Variants in SATL1 observed in about 807,000 individuals in gnomAD.
SATL1 encodes the protein spermidine/spermine N1-acetyl transferase like 1.
A neutral mutation model predicts 51.8 loss-of-function variants in SATL1; 47 were observed. The ratio of observed to expected loss-of-function variants is 0.91; its 90% confidence interval spans 0.72 to 1.16. SATL1 has a LOEUF of 1.16. SATL1 is among the 50% of genes most tolerant of loss of function. The pLI, the probability that SATL1 is intolerant of heterozygous loss-of-function variation, is 0.00. For synonymous variants in SATL1, 176 were observed against 182.4 expected (o/e 0.97, Z 0.28); for missense variants, 520 against 526.4 (o/e 0.99, Z 0.12).
rs770690609 is a variant in SATL1, at chrX:85,108,308, GCTGGCT to G, written c.655_660del (p.Ser219_Gln220del). The G allele has an allele frequency of 8.3e-7, 1 of 1,210,671 alleles. No homozygotes were observed. The highest frequency in any genetic ancestry group is 1.8e-5 in the South Asian group (1 of 56,888). On this transcript the variant is annotated inframe_deletion, in exon 3 of 8. Transcript: ENST00000644105. ...CTTATGCCTGGTTGGCTGGGGACTT[GCTGGCT>G]CATGCCTGGTTGACTCATGTCTGGG...
At chrX:85,211,739 A>G (rs1482936815) in intron 2 of SATL1, 1 of 111,498 alleles carries the variant, frequency 9.0e-6, no homozygotes, top group Non-Finnish European at 1.9e-5. Context: ...ATAGATGATG[A>G]TGGTGATGAA....
chrX:85,216,441 C>G (rs940203717), intron 2 of SATL1, among the ~76,000 whole-genome samples: 2 of 111,160 alleles, frequency 1.8e-5, no homozygotes, highest in Non-Finnish European at 3.8e-5. Context: ...ACTGCATTCT[C>G]ATCTGGAGTT....
chrX:85,202,559 T>C (rs1321914336), intron 2 of SATL1, among the ~76,000 whole-genome samples: 1 of 111,884 alleles, frequency 8.9e-6, no homozygotes, highest in African/African-American at 3.3e-5. Flanking sequence ...TCTCAGTGTT[T>C]ATGCTCCTTC....
At chrX:85,147,990 T>G (rs868508874) in intron 2 of SATL1, among the ~76,000 whole-genome samples, 1 of 111,418 alleles carries the variant, frequency 9.0e-6, no homozygotes, top group African/African-American at 3.3e-5. Context: ...CTTTGATGAG[T>G]TGAGAGAAGA....
At chrX:85,191,932 C>A (rs969380968) in intron 2 of SATL1, among the ~76,000 whole-genome samples, 2 of 112,021 alleles carry the variant, frequency 1.8e-5, no homozygotes. Context: ...GTGTAATCCA[C>A]TGAAACCTAA....
At chrX:85,217,821 A>G (rs1928081734) in intron 2 of SATL1, among the ~76,000 whole-genome samples, 1 of 111,539 alleles carries the variant, frequency 9.0e-6, no homozygotes, top group African/African-American at 3.3e-5. Context: ...TCTGACTATA[A>G]TTCCCCAAAC....
chrX:85,134,159 GTA>G (rs745334332), intron 2 of SATL1, among the ~76,000 whole-genome samples: 1,356 of 110,499 alleles, frequency 0.012, 11 homozygotes, highest in Middle Eastern at 0.024. Context: ...ATGTGTGTAT[GTA>G]TATATATGTG....
At chrX:85,103,487 G>C (rs1348657620) in intron 4 of SATL1, among the ~76,000 whole-genome samples, 1 of 111,492 alleles carries the variant, frequency 9.0e-6, no homozygotes, top group East Asian at 2.8e-4. Flanking sequence ...TATTAATCTT[G>C]ATGACTATCA....
intron 2 of SATL1, among the ~76,000 whole-genome samples, chrX:85,142,180 A>C (rs968778427): frequency 6.6e-5 from 7 of 106,834 alleles, no homozygotes; most frequent in Non-Finnish European, 9.7e-5. Context: ...GTGGAACACG[A>C]GGTTAGGAGA....
chrX:85,092,661 G>A lies in SATL1; in HGVS notation c.1918-100C>T. The A allele has an allele frequency of 3.9e-6, 3 of 763,001 alleles. No homozygotes were observed. In the South Asian group the frequency reaches 1.1e-4, roughly 27 times the overall value. The allele number at this position is 763,001 out of a possible 1,213,427, so 62.9% of individuals were successfully genotyped here. On this transcript the variant is annotated intron_variant, in intron 7 of 7. Transcript: ENST00000644105. The stretch of plus-strand genomic sequence containing the variant: ...AGGTCTACTCTATGCAAGACACTAT[G>A]TGTGAATAATACTTCCAAATATAGT...
At position 85,107,802 on chromosome X, in the gene SATL1, T is replaced by C; in HGVS notation, c.1167A>G (p.Ser389=). ...PVMWQLDMRQ[S]GGSQPSMRQV... ...GTCTCATGCTTGGTTGGCTCCCACCTGACTGTCTCATGTCTAGTTGCCACA... is the reference window on the plus strand; with the variant it reads ...GTCTCATGCTTGGTTGGCTCCCACCCGACTGTCTCATGTCTAGTTGCCACA... Residue 389 remains serine, a synonymous_variant, in exon 3 of 8, where the codon TCA becomes TCG. Coordinates refer to ENST00000644105, the MANE Select transcript of SATL1 (RefSeq NM_001367857.2). 8.3e-7 allele frequency: 1 copy of C among 1,211,854 alleles called. No homozygotes were observed. The highest frequency in any genetic ancestry group is 1.8e-5 in the South Asian group (1 of 56,988).
chrX:85,118,352 G>C lies in SATL1; in HGVS notation c.-312-9072C>G, dbSNP rs770780397. 89 of 110,228 alleles carry C rather than the reference G, an allele frequency of 8.1e-4. 1 individual carries two copies. The highest frequency in any genetic ancestry group is 2.8e-3 in the African/African-American group (85 of 30,475). The allele number at this position is 110,228 out of a possible 1,213,427, so 9.1% of individuals were successfully genotyped here. On this transcript the variant is annotated intron_variant, in intron 2 of 7. Transcript: ENST00000644105. Reference sequence around the variant, plus strand: ...AAGTTGCTTACCACACACCAGTCTTGTATTTGCGGTAGTGCATTTGGGGGC... The same window carrying C: ...AAGTTGCTTACCACACACCAGTCTTCTATTTGCGGTAGTGCATTTGGGGGC...
At chrX:85,171,621 C>T (rs763126755) in intron 2 of SATL1, among the ~76,000 whole-genome samples, 6 of 111,335 alleles carry the variant, frequency 5.4e-5, no homozygotes, top group South Asian at 3.8e-4. Context: ...ACTCCTGAAT[C>T]GAGTAGGTCA....
rs768665552 is a variant in SATL1 at position 85,108,144 on chromosome X, G to A, written c.825C>T (p.Asp275=). Residue 275 remains aspartate, a synonymous_variant, in exon 3 of 8, where the codon GAC becomes GAT. Transcript: ENST00000644105. The part of the protein sequence containing the change: ...SPSLLGMNQM[D]MNQWSASLYE... ...ATAGGCTTGCACTCCATTGGTTCAT[G>A]TCCATTTGGTTCATACCAAGTAAGC... The A allele has an allele frequency of 5.8e-6, 7 of 1,211,674 alleles. No homozygotes were observed. Among genetic ancestry groups the A allele is most frequent in the Non-Finnish European group, 7.8e-6 (7 of 895,362 alleles).
At chrX:85,156,508 T>C in intron 2 of SATL1, 1 of 109,889 alleles carries the variant, frequency 9.1e-6, no homozygotes, top group Middle Eastern at 4.2e-3. Context: ...CCTTGGGAGA[T>C]CAAAGAAGTA....
chrX:85,172,831 T>A (rs1226214936), intron 2 of SATL1, among the ~76,000 whole-genome samples: 1 of 111,143 alleles, frequency 9.0e-6, no homozygotes, highest in African/African-American at 3.3e-5. Context: ...GTTACAGGGT[T>A]ATTAGCTGGT....
At chrX:85,152,292 G>A (rs929886685) in intron 2 of SATL1, among the ~76,000 whole-genome samples, 1 of 111,043 alleles carries the variant, frequency 9.0e-6, no homozygotes, top group Non-Finnish European at 1.9e-5. Flanking sequence ...AGTTAGAATG[G>A]CAATCATTAA....
intron 1 of SATL1, among the ~76,000 whole-genome samples, chrX:85,233,594 T>G (rs1270671284): frequency 9.0e-6 from 1 of 111,635 alleles, no homozygotes; most frequent in Non-Finnish European, 1.9e-5. Context: ...GAGGTTGAAA[T>G]AATTAAAAAG....
chrX:85,187,202 T>C (rs1927332121), intron 2 of SATL1, among the ~76,000 whole-genome samples: 1 of 112,302 alleles, frequency 8.9e-6, no homozygotes, highest in Non-Finnish European at 1.9e-5. Context: ...GCTACTTTAC[T>C]GTATAATTTT....
Sources: gnomAD v4.1 joint callset for allele counts (sites outside exome capture counted in the v4.1 genomes callset) on GRCh38, gnomAD v4.1.1 for gene constraint, MANE v1.5 for transcripts, NCBI Gene and HGNC (gene_info 2026-07-23, HGNC 2026-07-21) for gene names.